KCNH5: variants seen among roughly 807,000 people sequenced by gnomAD.
The protein encoded by KCNH5 is voltage-gated delayed rectifier potassium channel KCNH5.
In KCNH5, 46 loss-of-function variants were observed where a neutral mutation model predicts 96.1. That is an observed-to-expected ratio of 0.48 (90% CI 0.38 to 0.61). The LOEUF (loss-of-function observed/expected upper bound fraction) is 0.61, where lower values mean the gene tolerates loss of function less well. Ranked by LOEUF, KCNH5 falls within the 20% of genes least tolerant of loss-of-function variation. KCNH5 has a pLI of 0.00. For synonymous variants in KCNH5, 439 were observed against 449.8 expected (o/e 0.98, Z 0.30); for missense variants, 907 against 1,225.8 (o/e 0.74, Z 3.88).
intron 7 of KCNH5, among the ~76,000 whole-genome samples, chr14:62,852,324 T>G (rs1887823123): frequency 6.6e-6 from 1 of 152,226 alleles, no homozygotes; most frequent in Non-Finnish European, 1.5e-5. Context: ...TATCCCTCAC[T>G]GCTTCTCATT....
intron 2 of KCNH5, among the ~76,000 whole-genome samples, chr14:63,009,110 A>T (rs1891179354): frequency 6.6e-6 from 1 of 152,154 alleles, no homozygotes; most frequent in African/African-American, 2.4e-5. Flanking sequence ...GAAACATAAT[A>T]TTCGCAATTG....
At chr14:62,956,969 G>A (rs1255504) in intron 6 of KCNH5, among the ~76,000 whole-genome samples, 76,701 of 151,966 alleles carry the variant, frequency 0.5, 20,092 homozygotes, top group African/African-American at 0.57. Context: ...CTCTATCCCA[G>A]CCTCTGAGCT....
intron 8 of KCNH5, among the ~76,000 whole-genome samples, chr14:62,815,537 C>T (rs1886960692): frequency 6.6e-6 from 1 of 151,930 alleles, no homozygotes; most frequent in South Asian, 2.1e-4. Flanking sequence ...TGAAGTAATA[C>T]AGGTTAGTTT....
At chr14:63,013,300 T>C (rs537627563) in intron 2 of KCNH5, among the ~76,000 whole-genome samples, 1 of 152,234 alleles carries the variant, frequency 6.6e-6, no homozygotes, top group African/African-American at 2.4e-5. Context: ...CTTTAATTCA[T>C]CTAATGCAAG....
chr14:62,824,631 T>C (rs1296729864), intron 8 of KCNH5, among the ~76,000 whole-genome samples: 1 of 152,150 alleles, frequency 6.6e-6, no homozygotes, highest in East Asian at 1.9e-4. Flanking sequence ...TTTCTACTTT[T>C]ATTTTACATT....
rs1891007996 is a variant in KCNH5, at chr14:63,001,374, A to G, written c.390T>C (p.Asp130=). 2 of 1,612,848 alleles carry G rather than the reference A, an allele frequency of 1.2e-6. No homozygotes were observed. The highest frequency in any genetic ancestry group is 2.2e-5 in the South Asian group (2 of 90,760). The part of the protein sequence containing the change: ...KVVLFLCTFK[D]ITLFKQPIED... ...CTATTGGCTGTTTGAACAACGTAAT[A>G]TCCTTGAAAGTACACAGGAACAAGA... The change falls in exon 4 of 11, where the codon GAT becomes GAC. Residue 130 remains aspartate, a synonymous_variant. Coordinates refer to ENST00000322893, the MANE Select transcript of KCNH5 (RefSeq NM_139318.5).
intron 6 of KCNH5, among the ~76,000 whole-genome samples, chr14:62,967,352 G>A (rs1366068637): frequency 1.3e-5 from 2 of 151,938 alleles, no homozygotes; most frequent in Non-Finnish European, 2.9e-5. Flanking sequence ...TGAGTGCTGA[G>A]ATTACAGGCA....
chr14:62,872,885 TC>T (rs2140068013), intron 7 of KCNH5, among the ~76,000 whole-genome samples: 1 of 151,952 alleles, frequency 6.6e-6, no homozygotes, highest in African/African-American at 2.4e-5. Context: ...AAGAGAAGGC[TC>T]CCGCCTGTAA....
Position 63,006,771 on chromosome 14 carries a change from T to C in KCNH5, c.198-299A>G, listed in dbSNP as rs538436531. On this transcript the variant is annotated intron_variant, in intron 2 of 10. Transcript: ENST00000322893. ...AAGTGCAAGCTTTGCCACTTGATCT[T>C]CAGTCTACAAATCACTGGAAAATAA... 5.6e-4 allele frequency among the ~76,000 whole-genome samples: 86 copies of C among 152,294 alleles called. 1 individual carries two copies. In the South Asian group the frequency reaches 0.017, roughly 31 times the overall value.
At chr14:62,920,229 G>T (rs576951791) in intron 7 of KCNH5, among the ~76,000 whole-genome samples, 1 of 152,134 alleles carries the variant, frequency 6.6e-6, no homozygotes, top group South Asian at 2.1e-4. Context: ...GGGAAAAGAA[G>T]GCAGGTCATG....
intron 6 of KCNH5, among the ~76,000 whole-genome samples, chr14:62,973,253 T>C (rs1890442507): frequency 6.6e-6 from 1 of 152,244 alleles, no homozygotes; most frequent in Non-Finnish European, 1.5e-5. Flanking sequence ...TAGGACTTAA[T>C]GTTGGCATGC....
chr14:62,811,386 A>G (rs975326445), intron 8 of KCNH5, among the ~76,000 whole-genome samples: 3 of 151,990 alleles, frequency 2.0e-5, no homozygotes, highest in African/African-American at 7.2e-5. Flanking sequence ...TTCCAATAAC[A>G]TCACCTTTCT....
At position 63,031,991 on chromosome 14, in the gene KCNH5, A is replaced by C. The variant is rs193193754; in HGVS notation, c.73+13123T>G. 4.1e-3 allele frequency among the ~76,000 whole-genome samples: 620 copies of C among 152,040 alleles called. 13 individuals carry two copies. The highest frequency in any genetic ancestry group is 8.6e-3 in the South Asian group (41 of 4,790). ...AATTACCCCCAGAGAGAAATATTTC[A>C]GAGGACTAGCAGTTTTTAAGTATTT... On this transcript the variant is annotated intron_variant, in intron 1 of 10. Coordinates refer to ENST00000322893, the MANE Select transcript of KCNH5 (RefSeq NM_139318.5).
At chr14:62,821,809 C>T (rs573779947) in intron 8 of KCNH5, among the ~76,000 whole-genome samples, 2 of 152,186 alleles carry the variant, frequency 1.3e-5, no homozygotes, top group African/African-American at 2.4e-5. Flanking sequence ...CTTAAAGCCT[C>T]GAATAATTCT....
intron 2 of KCNH5, among the ~76,000 whole-genome samples, chr14:63,012,249 C>T (rs1018386832): frequency 4.6e-5 from 7 of 152,194 alleles, no homozygotes; most frequent in Middle Eastern, 3.4e-3. Context: ...CAATAAACAG[C>T]AAAACAGTGC....
intron 10 of KCNH5, among the ~76,000 whole-genome samples, chr14:62,712,975 G>A (rs973184781): frequency 6.6e-6 from 1 of 152,156 alleles, no homozygotes; most frequent in Non-Finnish European, 1.5e-5. Context: ...AGGGAGCAGG[G>A]AGGGTCAAAG....
chr14:62,771,936 A>G (rs1465265914), intron 10 of KCNH5, among the ~76,000 whole-genome samples: 2 of 152,222 alleles, frequency 1.3e-5, no homozygotes, highest in Non-Finnish European at 2.9e-5. Context: ...GATATAACAT[A>G]GACATGGTAT....
chr14:62,707,420 C>T lies in KCNH5; in HGVS notation c.*88G>A. On this transcript the variant is annotated 3_prime_UTR_variant, in exon 11 of 11. Coordinates refer to ENST00000322893, the MANE Select transcript of KCNH5 (RefSeq NM_139318.5). ...CCATGTGTGGTCATCATCTTGAAAGCAAGTGAAAATATATATATGTATATA... is the reference window on the plus strand; with the variant it reads ...CCATGTGTGGTCATCATCTTGAAAGTAAGTGAAAATATATATATGTATATA... 1 of 630,944 alleles carries T rather than the reference C, an allele frequency of 1.6e-6. No homozygotes were observed. The highest frequency in any genetic ancestry group is 4.3e-5 in the Admixed American group (1 of 23,074). 39.1% of individuals were successfully genotyped at this position (630,944 alleles called of 1,614,324 possible).
At chr14:62,752,543 G>A (rs1399322229) in intron 10 of KCNH5, among the ~76,000 whole-genome samples, 1 of 151,770 alleles carries the variant, frequency 6.6e-6, no homozygotes, top group Non-Finnish European at 1.5e-5. Context: ...AGAAACCTTG[G>A]GCCTTAAGAA....
Sources: allele counts gnomAD v4.1 joint callset (sites outside exome capture counted in the v4.1 genomes callset), GRCh38; gene constraint gnomAD v4.1.1; transcripts MANE v1.5; gene names NCBI Gene and HGNC (gene_info 2026-07-23, HGNC 2026-07-21).